Variants in IL2RB observed in about 807,000 individuals in gnomAD.
IL2RB encodes interleukin-2 receptor subunit beta.
A neutral mutation model predicts 44.2 loss-of-function variants in IL2RB; 17 were observed. The observed-to-expected ratio is 0.38, with a 90% CI of 0.26 to 0.58. The LOEUF (loss-of-function observed/expected upper bound fraction) is 0.58, where lower values mean the gene tolerates loss of function less well. IL2RB is among the 20% of genes least tolerant of loss of function. The probability of loss-of-function intolerance (pLI) is 0.63; values close to 1 mark genes in which losing one functional copy is unlikely to be tolerated. For synonymous variants in IL2RB, 286 were observed against 297.9 expected (o/e 0.96, Z 0.41); for missense variants, 624 against 685.5 (o/e 0.91, Z 1.00).
At chr22:37,157,125 C>T (rs775984862) in intron 1 of IL2RB, among the ~76,000 whole-genome samples, 1 of 142,456 alleles carries the variant, frequency 7.0e-6, no homozygotes. Context: ...CCCCTCATGA[C>T]AAATGAGGAT....
chr22:37,135,381 A>G lies in IL2RB; in HGVS notation c.765T>C (p.Phe255=), dbSNP rs1449893175. Residue 255 remains phenylalanine, a synonymous_variant, in exon 8 of 10, where the codon TTT becomes TTC. Transcript: ENST00000216223. ...GCAAGTACACTAAGATGATGAAGCC[A>G]AAAGCCCCGCTGAGGCCCACGAGGA... is the stretch of plus-strand genomic sequence containing the variant. ...GHLLVGLSGA[F]GFIILVYLLI... is the part of the protein sequence containing the mutation. The G allele has an allele frequency of 1.2e-6, 2 of 1,613,768 alleles. No individual in the cohort carries two copies. The highest frequency in any genetic ancestry group is 1.3e-5 in the African/African-American group (1 of 74,902).
Position 37,141,908 on chromosome 22 carries a change from G to A in IL2RB, c.282+526C>T, listed in dbSNP as rs929310768. Among the ~76,000 whole-genome samples, 2 of 152,122 alleles carry A rather than the reference G, an allele frequency of 1.3e-5. No homozygotes were observed. Among genetic ancestry groups the A allele is most frequent in the Non-Finnish European group, 2.9e-5 (2 of 68,006 alleles). On this transcript the variant is annotated intron_variant, in intron 4 of 9. Coordinates refer to ENST00000216223, the MANE Select transcript of IL2RB (RefSeq NM_000878.5). This position sits in a 1 kb window ranked among gnomAD's most constrained non-coding sequence, Gnocchi z 4.4. ...GGCTGGGGAGGGCCTGAAAAACAAG[G>A]CCCTTGTTGGGCCTTGACCCAACAA...
intron 1 of IL2RB, among the ~76,000 whole-genome samples, chr22:37,161,363 G>T (rs918130436): frequency 2.0e-5 from 3 of 152,130 alleles, no homozygotes; most frequent in African/African-American, 7.2e-5. Flanking sequence ...TTACATCTGG[G>T]TGCGCTGCAT....
chr22:37,141,359 G>A lies in IL2RB; in HGVS notation c.282+1075C>T, dbSNP rs572680853. On this transcript the variant is annotated intron_variant, in intron 4 of 9. Transcript: ENST00000216223. This position sits in a 1 kb window ranked among gnomAD's most constrained non-coding sequence, Gnocchi z 4.4. Reference sequence around the variant, plus strand: ...AGGCATCCCTGCACTCTCAGGGTCTGGGAAGATCCCCCCTTGCCTCCGCAG... The same window carrying A: ...AGGCATCCCTGCACTCTCAGGGTCTAGGAAGATCCCCCCTTGCCTCCGCAG... Among the ~76,000 whole-genome samples the A allele has an allele frequency of 2.8e-4, 42 of 152,252 alleles. 1 individual carries two copies. In the South Asian group the frequency reaches 8.1e-3, roughly 29 times the overall value.
chr22:37,159,395 C>T (rs1297286681), intron 1 of IL2RB, among the ~76,000 whole-genome samples: 1 of 152,050 alleles, frequency 6.6e-6, no homozygotes, highest in African/African-American at 2.4e-5. Flanking sequence ...CGATGCCCTC[C>T]GTCAGGCCTG....
intron 6 of IL2RB, among the ~76,000 whole-genome samples, chr22:37,137,056 G>A (rs545281431): frequency 6.6e-6 from 1 of 152,256 alleles, no homozygotes; most frequent in Admixed American, 6.5e-5. Flanking sequence ...AGACCCTGTC[G>A]CTACATCTGC....
rs752689706 is a variant in IL2RB at position 37,128,110 on chromosome 22, T to G, written c.1642A>C (p.Thr548Pro). ...SLQELQGQDP[T>P]HLV ...TGGCCATCTGTCTACACCAAGTGAGTTGGGTCCTGACCCTGGAGTTCTTGG... is the reference window on the plus strand; with the variant it reads ...TGGCCATCTGTCTACACCAAGTGAGGTGGGTCCTGACCCTGGAGTTCTTGG... The change falls in exon 10 of 10, where the codon ACT becomes CCT. Residue 548 changes from threonine to proline, a missense_variant. By Grantham distance (38) the Thr-to-Pro change is conservative (BLOSUM62 -1). Coordinates refer to ENST00000216223, the MANE Select transcript of IL2RB (RefSeq NM_000878.5). The surrounding 1 kb of genome is among the most constrained non-coding windows in gnomAD (Gnocchi z 4.5). 2 of 1,565,822 alleles carry G rather than the reference T, an allele frequency of 1.3e-6. No individual in the cohort carries two copies. Among genetic ancestry groups the G allele is most frequent in the Non-Finnish European group, 1.7e-6 (2 of 1,161,320 alleles).
chr22:37,152,657 C>G (rs1353210287), upstream of IL2RB, among the ~76,000 whole-genome samples: 12 of 152,092 alleles, frequency 7.9e-5, no homozygotes, highest in Non-Finnish European at 8.8e-5. Flanking sequence ...CATTCTAGAA[C>G]CTTCCTCTTC....
intron 8 of IL2RB, among the ~76,000 whole-genome samples, chr22:37,135,068 TCCACAGGGCC>T (rs1334202142): frequency 2.0e-5 from 3 of 152,194 alleles, no homozygotes; most frequent in Admixed American, 2.0e-4. Flanking sequence ...TCGGGTTGGT[TCCACAGGGCC>T]CCCCTGTGGG....
At chr22:37,144,786 C>T (rs982457279) in intron 1 of IL2RB, among the ~76,000 whole-genome samples, 1 of 152,150 alleles carries the variant, frequency 6.6e-6, no homozygotes, top group Non-Finnish European at 1.5e-5. Context: ...CTCACCACCC[C>T]CCTACATTTT....
chr22:37,145,997 C>T (rs1010203119), intron 1 of IL2RB, among the ~76,000 whole-genome samples: 3 of 152,146 alleles, frequency 2.0e-5, no homozygotes, highest in African/African-American at 7.2e-5. Flanking sequence ...TCTGCAGGAC[C>T]CCCTCACAGG....
chr22:37,143,950 G>C, intron 2 of IL2RB, 135 bp downstream of exon 2: 2 of 1,126,484 alleles, frequency 1.8e-6, no homozygotes, highest in Non-Finnish European at 1.3e-6. Context: ...CCAGGGCAGG[G>C]GTCCAGGACA....
rs1352544768 is a variant in IL2RB at position 37,141,103 on chromosome 22, G to A, written c.282+1331C>T. On this transcript the variant is annotated intron_variant, in intron 4 of 9. Coordinates refer to ENST00000216223, the MANE Select transcript of IL2RB (RefSeq NM_000878.5). The surrounding 1 kb of genome is among the most constrained non-coding windows in gnomAD (Gnocchi z 4.4). Reference sequence around the variant, plus strand: ...CAGGGCTGCAGCTGCCTAAGTCTTGGCTGTGGACCCAGGCCTCCTGGTGCT... The same window carrying A: ...CAGGGCTGCAGCTGCCTAAGTCTTGACTGTGGACCCAGGCCTCCTGGTGCT... Among the ~76,000 whole-genome samples, 1 of 152,156 alleles carries A rather than the reference G, an allele frequency of 6.6e-6. No individual in the cohort carries two copies. Among genetic ancestry groups the A allele is most frequent in the Non-Finnish European group, 1.5e-5 (1 of 68,022 alleles).
At chr22:37,147,276 G>A (rs1922269942) in intron 1 of IL2RB, among the ~76,000 whole-genome samples, 1 of 152,228 alleles carries the variant, frequency 6.6e-6, no homozygotes, top group African/African-American at 2.4e-5. Flanking sequence ...CAGAGGTGAA[G>A]TGCGTTGCCT....
At chr22:37,150,856 T>G (rs1444464775), upstream of IL2RB, among the ~76,000 whole-genome samples, 1 of 152,242 alleles carries the variant, frequency 6.6e-6, no homozygotes, top group Non-Finnish European at 1.5e-5. Context: ...CCTGTTTCAC[T>G]TAACATAATG....
At chr22:37,165,723 T>G (rs1923052570) in intron 1 of IL2RB, among the ~76,000 whole-genome samples, 1 of 148,168 alleles carries the variant, frequency 6.7e-6, no homozygotes, top group African/African-American at 2.5e-5. Context: ...TTATTGTTTG[T>G]GGGGTTGGGG....
chr22:37,163,537 C>T (rs1220322304), intron 1 of IL2RB, among the ~76,000 whole-genome samples: 1 of 152,190 alleles, frequency 6.6e-6, no homozygotes, highest in African/African-American at 2.4e-5. Flanking sequence ...TGGATGATCC[C>T]AGAAGCTCTT....
At chr22:37,136,430 C>T in intron 6 of IL2RB, 37 bp from the exon 7 acceptor site, 5 of 1,579,148 alleles carry the variant, frequency 3.2e-6, no homozygotes, top group Non-Finnish European at 4.3e-6. Flanking sequence ...CCCACCTCAC[C>T]TCCCATGGCA....
At chr22:37,151,358 G>A (rs1922479026), upstream of IL2RB, among the ~76,000 whole-genome samples, 1 of 152,130 alleles carries the variant, frequency 6.6e-6, no homozygotes, top group African/African-American at 2.4e-5. Context: ...AAACTTATAT[G>A]TTTTCTTTTG....
Sources: gnomAD v4.1 joint callset for allele counts (sites outside exome capture counted in the v4.1 genomes callset) on GRCh38, gnomAD v4.1.1 for gene constraint, Gnocchi (gnomAD v3.1) non-coding constraint, MANE v1.5 for transcripts, NCBI Gene and HGNC (gene_info 2026-07-23, HGNC 2026-07-21) for gene names.